The following GOLGA3 variants were observed in gnomAD, a reference collection of about 807,000 sequenced individuals.
GOLGA3 encodes golgin A3, also known as golgin subfamily A member 3.
GOLGA3 carries 75 observed loss-of-function variants against 169.4 expected under a neutral mutation model. The ratio of observed to expected loss-of-function variants is 0.44; its 90% CI spans 0.37 to 0.54. The LOEUF is 0.54. GOLGA3 is among the 20% of genes least tolerant of loss of function. The pLI, the probability that GOLGA3 is intolerant of heterozygous loss-of-function variation, is 0.00. For synonymous variants in GOLGA3, 824 were observed against 822.4 expected (o/e 1.00, Z -0.03); for missense variants, 1,899 against 1,930.0 (o/e 0.98, Z 0.30).
intron 2 of GOLGA3, among the ~76,000 whole-genome samples, chr12:132,820,046 A>G (rs200289206): frequency 6.6e-6 from 1 of 152,158 alleles, no homozygotes; most frequent in Admixed American, 6.5e-5. Context: ...GCGTGGTGGC[A>G]CATGCCTGTA....
chr12:132,815,744 A>T (rs900020933), intron 3 of GOLGA3, among the ~76,000 whole-genome samples: 2 of 152,140 alleles, frequency 1.3e-5, no homozygotes, highest in African/African-American at 4.8e-5. Context: ...CACACAAAAA[A>T]TTAAAATTAG....
intron 8 of GOLGA3, 72 bp from the exon 9 acceptor site, chr12:132,798,549 GA>G: frequency 2.1e-6 from 3 of 1,443,438 alleles, no homozygotes; most frequent in Non-Finnish European, 2.8e-6. Context: ...CCTGTCCCTG[GA>G]GGCCCCAGGG....
chr12:132,784,654 C>A (rs1349287736), intron 15 of GOLGA3, among the ~76,000 whole-genome samples: 1 of 152,148 alleles, frequency 6.6e-6, no homozygotes, highest in East Asian at 1.9e-4. Context: ...ACGCACCACA[C>A]ATCACATACA....
chr12:132,804,102 C>A lies in GOLGA3; in HGVS notation c.1597+614G>T, dbSNP rs1374368315. Among the ~76,000 whole-genome samples, 1 of 152,206 alleles carries A rather than the reference C, an allele frequency of 6.6e-6. No homozygotes were observed. Among genetic ancestry groups the A allele is most frequent in the African/African-American group, 2.4e-5 (1 of 41,460 alleles). On this transcript the variant is annotated intron_variant, in intron 7 of 23. Coordinates refer to ENST00000450791, the MANE Select transcript of GOLGA3 (RefSeq NM_001389683.1). This position sits in a 1 kb window ranked among gnomAD's most constrained non-coding sequence, Gnocchi z 4.1. Reference sequence around the variant, plus strand: ...ACATGGAAGCCCGCCGCGGCTTCCGCAATCCACTGCCCTACTTGTACTCTC... The same window carrying A: ...ACATGGAAGCCCGCCGCGGCTTCCGAAATCCACTGCCCTACTTGTACTCTC...
intron 13 of GOLGA3, among the ~76,000 whole-genome samples, chr12:132,788,658 A>T (rs2046054898): frequency 6.6e-6 from 1 of 152,062 alleles, no homozygotes; most frequent in South Asian, 2.1e-4. Context: ...GTCTCCACAA[A>T]ACACTCACCC....
chr12:132,813,252 G>T, intron 4 of GOLGA3, 55 bp downstream of exon 4: 1 of 1,221,758 alleles, frequency 8.2e-7, no homozygotes, highest in Non-Finnish European at 1.2e-6. Flanking sequence ...GGGACCAACA[G>T]TTGTCTCTGG....
Position 132,792,682 on chromosome 12 carries a change from CCA to C in GOLGA3, c.2470-1391_2470-1390del, listed in dbSNP as rs200463369. ...TGCACTCGGAGGGCTCCACACAGAC[CCA>C]CCACACGGGATCTGCACTCGGAGGG... is the stretch of plus-strand genomic sequence containing the variant. On this transcript the variant is annotated intron_variant, in intron 11 of 23. Coordinates refer to ENST00000450791, the MANE Select transcript of GOLGA3 (RefSeq NM_001389683.1). Among the ~76,000 whole-genome samples, 273 of 144,524 alleles carry C rather than the reference CCA, an allele frequency of 1.9e-3. 1 individual carries two copies. The East Asian group carries it at 0.024, about 13-fold the overall frequency. The allele number at this position is 144,524 out of a possible 152,430, so 94.8% of individuals were successfully genotyped here.
chr12:132,788,337 G>A (rs898415670), intron 13 of GOLGA3, among the ~76,000 whole-genome samples: 2 of 152,158 alleles, frequency 1.3e-5, no homozygotes, highest in Non-Finnish European at 2.9e-5. Context: ...TTGGTCTAAC[G>A]TGCCATCAGA....
At chr12:132,773,526 C>T (rs1007322519) in intron 23 of GOLGA3, among the ~76,000 whole-genome samples, 12 of 152,254 alleles carry the variant, frequency 7.9e-5, no homozygotes, top group South Asian at 2.1e-4. Flanking sequence ...GAAGCTGTCA[C>T]TGAGGCCTGG....
rs1254462268 is a variant in GOLGA3, at chr12:132,825,067, AATACTGGTACCCTGT to A, written c.-183-2771_-183-2757del. 1.2e-4 allele frequency among the ~76,000 whole-genome samples: 18 copies of A among 152,342 alleles called. No homozygotes were observed. In the South Asian group the frequency reaches 3.3e-3, roughly 28 times the overall value. On this transcript the variant is annotated intron_variant, in intron 1 of 23. Coordinates refer to ENST00000450791, the MANE Select transcript of GOLGA3 (RefSeq NM_001389683.1). ...GAATGTGGACTCGACTGCGCCACTG[AATACTGGTACCCTGT>A]ACATCTGGTCCTCTTGAAAATTTCC... is the stretch of plus-strand genomic sequence containing the variant.
At chr12:132,826,322 G>A (rs1950415817) in intron 1 of GOLGA3, 1 of 679,880 alleles carries the variant, frequency 1.5e-6, no homozygotes, top group Non-Finnish European at 2.4e-6. Flanking sequence ...ACAGAAGGAA[G>A]GATGGGATGA....
chr12:132,782,690 A>G (rs1222356530), intron 16 of GOLGA3, among the ~76,000 whole-genome samples, 197 bp from the exon 17 acceptor site: 1 of 152,130 alleles, frequency 6.6e-6, no homozygotes, highest in East Asian at 1.9e-4. Flanking sequence ...CAGCCTGGCC[A>G]ACATGGTGAA....
Position 132,770,089 on chromosome 12 carries a change from C to T in GOLGA3, c.*3016G>A, listed in dbSNP as rs572116768. The T allele has an allele frequency of 1.3e-5, 2 of 152,144 alleles. No individual in the cohort carries two copies. Among genetic ancestry groups the T allele is most frequent in the African/African-American group, 2.4e-5 (1 of 41,506 alleles). 9.4% of individuals were successfully genotyped at this position (152,144 alleles called of 1,614,324 possible). ...CCCCTCTAAAAATACAAAAATTAGG[C>T]TGGTGTGGTGGCGGGCACCTGTAAT... On this transcript the variant is annotated 3_prime_UTR_variant, in exon 24 of 24. Transcript: ENST00000450791.
At chr12:132,796,300 G>A in intron 10 of GOLGA3, 80 bp from the exon 11 acceptor site, 1 of 1,481,286 alleles carries the variant, frequency 6.8e-7, no homozygotes, top group South Asian at 1.3e-5. Context: ...CGGGTTTCAA[G>A]TAATTTTGAT....
chr12:132,775,498 C>T (rs975726777), intron 21 of GOLGA3, among the ~76,000 whole-genome samples, 193 bp from the exon 22 acceptor site: 1 of 152,230 alleles, frequency 6.6e-6, no homozygotes, highest in Non-Finnish European at 1.5e-5. Flanking sequence ...TGCGTTACAA[C>T]TACCAGCTGA....
chr12:132,775,705 G>A (rs2045188799), intron 21 of GOLGA3, among the ~76,000 whole-genome samples: 1 of 152,128 alleles, frequency 6.6e-6, no homozygotes, highest in Admixed American at 6.5e-5. Context: ...TGAGCCACCA[G>A]GCCTGGCCAG....
chr12:132,780,078 ACGTGTGTG>A (rs2045496606), intron 18 of GOLGA3, among the ~76,000 whole-genome samples: 1 of 129,650 alleles, frequency 7.7e-6, no homozygotes, highest in Non-Finnish European at 1.6e-5. Context: ...CCCCAGGCAC[ACGTGTGTG>A]CAGACATCAC....
chr12:132,782,492 A>G lies in GOLGA3; in HGVS notation c.3269T>C (p.Leu1090Pro), dbSNP rs1480497154. The G allele has an allele frequency of 6.2e-7, 1 of 1,611,580 alleles. No individual in the cohort carries two copies. The highest frequency in any genetic ancestry group is 8.5e-7 in the Non-Finnish European group (1 of 1,177,664). ...REKVLELEDE[L>P]QESRGFRKKI... ...CTTCCTAAAGCCTCTGGATTCTTGAAGCTGAAACATACCAATGTCACTGTA... is the reference window on the plus strand; with the variant it reads ...CTTCCTAAAGCCTCTGGATTCTTGAGGCTGAAACATACCAATGTCACTGTA... The change falls in exon 17 of 24, where the codon CTT becomes CCT. Residue 1090 changes from leucine (L) to proline (P), a missense_variant and splice_region_variant. Physicochemically the swap from Leu to Pro is moderately conservative, Grantham distance 98. Transcript: ENST00000450791.
chr12:132,780,336 C>T (rs1357729915), intron 18 of GOLGA3, among the ~76,000 whole-genome samples: 4 of 152,206 alleles, frequency 2.6e-5, no homozygotes, highest in Non-Finnish European at 4.4e-5. Context: ...CCAGACAGGG[C>T]ACCTGGGGGT....
Sources: gnomAD v4.1 joint callset for allele counts (sites outside exome capture counted in the v4.1 genomes callset) on GRCh38, gnomAD v4.1.1 for gene constraint, Gnocchi (gnomAD v3.1) non-coding constraint, MANE v1.5 for transcripts, NCBI Gene and HGNC (gene_info 2026-07-23, HGNC 2026-07-21) for gene names.